The following FRMD5 variants were observed in gnomAD, a reference collection of about 807,000 sequenced individuals.
The protein encoded by FRMD5 is FERM domain containing 5.
A neutral mutation model predicts 69.0 loss-of-function variants in FRMD5; 20 were observed. That is an observed-to-expected ratio of 0.29 (90% CI 0.20 to 0.42). The LOEUF (loss-of-function observed/expected upper bound fraction) is 0.42, where lower values mean the gene tolerates loss of function less well. Ranked by LOEUF, FRMD5 falls within the 10% of genes least tolerant of loss-of-function variation. FRMD5 has a pLI of 1.00. For missense variants in FRMD5, 595 were observed against 708.6 expected, an observed-to-expected ratio of 0.84 and a Z score of 1.82; for synonymous variants, 271 against 260.1, an observed-to-expected ratio of 1.04 and a Z score of -0.40.
intron 1 of FRMD5, among the ~76,000 whole-genome samples, chr15:44,081,199 T>A (rs890452025): frequency 3.3e-5 from 5 of 152,092 alleles, no homozygotes; most frequent in East Asian, 3.9e-4. Context: ...CTAAAAAAAA[T>A]TCATTACACT....
At chr15:44,194,900 G>T in intron 1 of FRMD5, 53 bp downstream of exon 1, 2 of 1,439,286 alleles carry the variant, frequency 1.4e-6, no homozygotes, top group Non-Finnish European at 9.4e-7. Flanking sequence ...AAGTTGACCA[G>T]ACTTGGGGGA....
chr15:44,152,333 T>C (rs1461244855), intron 1 of FRMD5, among the ~76,000 whole-genome samples: 1 of 152,254 alleles, frequency 6.6e-6, no homozygotes, highest in Non-Finnish European at 1.5e-5. Flanking sequence ...GGTTGTTATA[T>C]GTATCAATAC....
At chr15:44,148,888 A>G (rs959112172) in intron 1 of FRMD5, among the ~76,000 whole-genome samples, 1 of 152,208 alleles carries the variant, frequency 6.6e-6, no homozygotes, top group African/African-American at 2.4e-5. Flanking sequence ...ATACCTGGGC[A>G]ATTATAAAAG....
In FRMD5 at chr15:43,960,310, C is replaced by T. The variant is rs1484016770; in HGVS notation, c.103-36001G>A. Among the ~76,000 whole-genome samples the T allele has an allele frequency of 8.5e-5, 13 of 152,120 alleles. 1 individual carries two copies. The South Asian group carries it at 1.0e-3, about 12-fold the overall frequency. On this transcript the variant is annotated intron_variant, in intron 1 of 13. Transcript: ENST00000417257. ...TGTCACCCAGGCTGCAGTGCAGTGG[C>T]GCGATCTTGGCTCACTGCAAGCTCT...
intron 1 of FRMD5, chr15:43,989,294 C>T: frequency 2.5e-6 from 2 of 785,446 alleles, no homozygotes; most frequent in East Asian, 4.9e-5. Context: ...CCAGATAGCA[C>T]TGTGTTGGCA....
Position 44,043,400 on chromosome 15 carries a change from G to T in FRMD5, c.103-119091C>A, listed in dbSNP as rs145675716. Among the ~76,000 whole-genome samples the T allele has an allele frequency of 7.4e-3, 1,121 of 152,146 alleles. 21 individuals are homozygous for T. Among genetic ancestry groups the T allele is most frequent in the African/African-American group, 0.026 (1,072 of 41,502 alleles). On this transcript the variant is annotated intron_variant, in intron 1 of 13. Transcript: ENST00000417257. The stretch of plus-strand genomic sequence containing the variant: ...ATCCACATGAAGCTACCACTGACTT[G>T]CTTCACAGAATTGGAAAAAACTACT...
At chr15:43,945,309 G>A (rs957650469) in intron 1 of FRMD5, among the ~76,000 whole-genome samples, 1 of 152,040 alleles carries the variant, frequency 6.6e-6, no homozygotes, top group East Asian at 1.9e-4. Context: ...GGAAGTGCTT[G>A]GTCATTATAG....
chr15:44,111,341 G>A (rs1481843268), intron 1 of FRMD5, among the ~76,000 whole-genome samples: 1 of 152,108 alleles, frequency 6.6e-6, no homozygotes, highest in African/African-American at 2.4e-5. Flanking sequence ...ATGATCTGAT[G>A]GTTTTGGTAA....
At position 44,166,877 on chromosome 15, in the gene FRMD5, T is replaced by C. The variant is rs187142074; in HGVS notation, c.102+28076A>G. Reference sequence around the variant, plus strand: ...TTCTCCCAGTAACTCCGAATACTGCTTATTAAGGTCTATCCAAAGTGAGAA... The same window carrying C: ...TTCTCCCAGTAACTCCGAATACTGCCTATTAAGGTCTATCCAAAGTGAGAA... On this transcript the variant is annotated intron_variant, in intron 1 of 13. Coordinates refer to ENST00000417257, the MANE Select transcript of FRMD5 (RefSeq NM_032892.5). Among the ~76,000 whole-genome samples, 7 of 152,166 alleles carry C rather than the reference T, an allele frequency of 4.6e-5. No homozygotes were observed. In the East Asian group the frequency reaches 1.3e-3, roughly 29 times the overall value.
intron 1 of FRMD5, among the ~76,000 whole-genome samples, chr15:43,934,917 T>C (rs1417969767): frequency 6.6e-6 from 1 of 152,224 alleles, no homozygotes; most frequent in Non-Finnish European, 1.5e-5. Flanking sequence ...TTTATTTGTA[T>C]GATCTTGTGT....
At chr15:44,042,350 C>A (rs1892235634) in intron 1 of FRMD5, among the ~76,000 whole-genome samples, 1 of 152,170 alleles carries the variant, frequency 6.6e-6, no homozygotes, top group Admixed American at 6.5e-5. Context: ...ACCAGAGGTA[C>A]AAAGAAGAGC....
intron 1 of FRMD5, among the ~76,000 whole-genome samples, chr15:44,083,589 T>C (rs1894077515): frequency 6.6e-6 from 1 of 152,018 alleles, no homozygotes; most frequent in African/African-American, 2.4e-5. Context: ...TTCTTGAATG[T>C]CTTACTGCTT....
At chr15:44,036,383 T>TA (rs1242473578) in intron 1 of FRMD5, among the ~76,000 whole-genome samples, 1 of 152,054 alleles carries the variant, frequency 6.6e-6, no homozygotes, top group Non-Finnish European at 1.5e-5. Flanking sequence ...CTGGGTCCCT[T>TA]CTAATTACTA....
intron 1 of FRMD5, among the ~76,000 whole-genome samples, chr15:43,960,481 C>T (rs1178295218): frequency 6.6e-6 from 1 of 152,184 alleles, no homozygotes; most frequent in East Asian, 1.9e-4. Flanking sequence ...GATCTCCCGA[C>T]CTCATGATCT....
Position 44,022,980 on chromosome 15 carries a change from T to C in FRMD5, c.103-98671A>G, listed in dbSNP as rs556097520. Among the ~76,000 whole-genome samples, 141 of 152,188 alleles carry C rather than the reference T, an allele frequency of 9.3e-4. 4 individuals are homozygous for C. The South Asian group carries it at 0.029, about 31-fold the overall frequency. On this transcript the variant is annotated intron_variant, in intron 1 of 13. Coordinates refer to ENST00000417257, the MANE Select transcript of FRMD5 (RefSeq NM_032892.5). The stretch of plus-strand genomic sequence containing the variant: ...CCCTGGAGGTTAAGAACATGGTGAT[T>C]TGGAAAAAAGCAATGGGGCAAATTT...
At chr15:44,074,600 C>G (rs987745313) in intron 1 of FRMD5, among the ~76,000 whole-genome samples, 6 of 152,028 alleles carry the variant, frequency 3.9e-5, no homozygotes, top group African/African-American at 1.2e-4. Flanking sequence ...GCACCTCACC[C>G]CCCGGGTTCA....
chr15:43,874,182 C>T lies in FRMD5; in HGVS notation c.1416G>A (p.Val472=), dbSNP rs1176289485. Residue 472 remains valine (V), a synonymous_variant, in exon 14 of 14, where the codon GTG becomes GTA. Transcript: ENST00000417257. ...CCCTCAGCTCTCCCCCAAGGGCCTC[C>T]ACCTCTGTAGCAGTTGGGGTGCTGG... is the stretch of plus-strand genomic sequence containing the variant. ...SEASTPTATE[V]EALGGELRAL... The T allele has an allele frequency of 1.9e-6, 3 of 1,614,244 alleles. No homozygotes were observed. The highest frequency in any genetic ancestry group is 2.5e-6 in the Non-Finnish European group (3 of 1,180,040).
chr15:44,108,700 G>A (rs944794445), intron 1 of FRMD5, among the ~76,000 whole-genome samples: 17 of 151,786 alleles, frequency 1.1e-4, no homozygotes, highest in African/African-American at 1.7e-4. Flanking sequence ...AGTGGCTCAC[G>A]CCTGTAATCT....
chr15:44,137,234 A>G (rs1281361394), intron 1 of FRMD5, among the ~76,000 whole-genome samples: 1 of 152,152 alleles, frequency 6.6e-6, no homozygotes, highest in Admixed American at 6.5e-5. Flanking sequence ...ACAGGATCAC[A>G]CCTCCTTAGC....
Sources: gnomAD v4.1 joint callset for allele counts (sites outside exome capture counted in the v4.1 genomes callset) on GRCh38, gnomAD v4.1.1 for gene constraint, MANE v1.5 for transcripts, NCBI Gene and HGNC (gene_info 2026-07-23, HGNC 2026-07-21) for gene names.